KIF7: variants seen among roughly 807,000 people sequenced by gnomAD.
KIF7 encodes kinesin family member 7.
Under a neutral mutation model 135.7 loss-of-function variants are expected in KIF7, and 104 were observed. The observed-to-expected ratio is 0.77, with a 90% CI of 0.65 to 0.90. The LOEUF (loss-of-function observed/expected upper bound fraction) is 0.90, where lower values mean the gene tolerates loss of function less well. Among genes scored for constraint, KIF7 ranks in the 40% least tolerant of loss-of-function variants. The pLI, the probability that KIF7 is intolerant of heterozygous loss-of-function variation, is 0.00. For synonymous variants in KIF7, 883 were observed against 809.4 expected (o/e 1.09, Z -1.54); for missense variants, 2,005 against 1,839.1 (o/e 1.09, Z -1.65).
rs1358935229 is a variant in KIF7, at chr15:89,645,870, T to C, written c.1922+23A>G. The C allele has an allele frequency of 3.1e-6, 5 of 1,611,046 alleles. No homozygotes were observed. The African/African-American group carries it at 6.7e-5, about 22-fold the overall frequency. Reference sequence around the variant, plus strand: ...GGGCCCTGAGCAGGTCCTTGTCAGGTGGGGGCAGTGGGTCCCACTCACCTG... The same window carrying C: ...GGGCCCTGAGCAGGTCCTTGTCAGGCGGGGGCAGTGGGTCCCACTCACCTG... On this transcript the variant is annotated intron_variant, in intron 8 of 18. Coordinates refer to ENST00000394412, the MANE Select transcript of KIF7 (RefSeq NM_198525.3).
chr15:89,642,165 G>C, intron 11 of KIF7, 38 bp downstream of exon 11: 1 of 1,596,258 alleles, frequency 6.3e-7, no homozygotes. Flanking sequence ...GGAGGCAGGA[G>C]TCACCCCAGC....
chr15:89,628,504 C>G lies in KIF7; in HGVS notation c.3947G>C (p.Trp1316Ser). The G allele has an allele frequency of 6.2e-7, 1 of 1,612,898 alleles. No homozygotes were observed. Among genetic ancestry groups the G allele is most frequent in the South Asian group, 1.1e-5 (1 of 91,060 alleles). ...GGGCTTGGACAAAGGCCCAAAGTTC[C>G]AGGGCAGGCCTGCCTCACCCACAGG... Reference protein sequence around the residue: ...VLPVGEAGLPWNFGPLSKPRR... With the variant: ...VLPVGEAGLPSNFGPLSKPRR... The change falls in exon 19 of 19, where the codon TGG becomes TCG. Residue 1316 changes from tryptophan to serine, a missense_variant. Trp to Ser is a radical substitution (Grantham distance 177). Coordinates refer to ENST00000394412, the MANE Select transcript of KIF7 (RefSeq NM_198525.3).
intron 18 of KIF7, 75 bp from the exon 19 acceptor site, chr15:89,628,861 C>T: frequency 6.2e-7 from 1 of 1,610,556 alleles, no homozygotes; most frequent in Non-Finnish European, 8.5e-7. Flanking sequence ...CCCCAGTGCC[C>T]CAGCACAATA....
chr15:89,654,202 G>C (rs1168348378), intron 1 of KIF7, among the ~76,000 whole-genome samples: 2 of 151,992 alleles, frequency 1.3e-5, no homozygotes, highest in Non-Finnish European at 2.9e-5. Flanking sequence ...ATAGAGACAG[G>C]GTTTCACCGT....
At position 89,647,717 on chromosome 15, in the gene KIF7, A is replaced by G; in HGVS notation, c.1444-5T>C. On this transcript the variant is annotated splice_region_variant and splice_polypyrimidine_tract_variant and intron_variant, in intron 5 of 18. Coordinates refer to ENST00000394412, the MANE Select transcript of KIF7 (RefSeq NM_198525.3). The stretch of plus-strand genomic sequence containing the variant: ...CTGCTGCGCCCCCTCATCCTCCTAT[A>G]GGGCAGGGAGAGGGGCTTCAGGGGC... 2 of 1,558,286 alleles carry G rather than the reference A, an allele frequency of 1.3e-6. No individual in the cohort carries two copies. The highest frequency in any genetic ancestry group is 1.2e-5 in the South Asian group (1 of 85,434).
At chr15:89,629,178 CAGGGCTGTGGGGGTG>C (rs1567057086) in intron 17 of KIF7, 56 bp from the exon 18 acceptor site, 37 of 1,330,388 alleles carry the variant, frequency 2.8e-5, no homozygotes, top group Non-Finnish European at 3.7e-5. Flanking sequence ...GGCAGGCGGC[CAGGGCTGTGGGGGTG>C]GGGGCTGTGG....
At chr15:89,622,703 G>A (rs924727756) in intron 1 of KIF7, among the ~76,000 whole-genome samples, 1 of 152,044 alleles carries the variant, frequency 6.6e-6, no homozygotes, top group African/African-American at 2.4e-5. Flanking sequence ...ACCCCTCCCC[G>A]CTCCACCTCC....
rs759395617 is a variant in KIF7, at chr15:89,642,183, C to T, written c.2394+20G>A. 6.8e-6 allele frequency: 11 copies of T among 1,608,010 alleles called. No individual in the cohort carries two copies. The South Asian group carries it at 8.8e-5, about 13-fold the overall frequency. ...GGCAGGAGTCACCCCAGCACCCCAC[C>T]CTGAGGCCCCGAGACTAACCTGCAC... On this transcript the variant is annotated intron_variant, in intron 11 of 18. Transcript: ENST00000394412.
chr15:89,628,185 A>C lies in KIF7; in HGVS notation c.*234T>G. The stretch of plus-strand genomic sequence containing the variant: ...GATTCGAGCAAGACACAAGGCGGCA[A>C]TTGGGTACCACAGCTTCATGGAAGT... On this transcript the variant is annotated 3_prime_UTR_variant, in exon 19 of 19. Transcript: ENST00000394412. The C allele has an allele frequency of 4.2e-6, 2 of 480,652 alleles. No homozygotes were observed. The highest frequency in any genetic ancestry group is 7.3e-6 in the Non-Finnish European group (2 of 275,372). 29.8% of individuals were successfully genotyped at this position (480,652 alleles called of 1,614,324 possible).
In KIF7 at chr15:89,628,401, A is replaced by C; in HGVS notation, c.*18T>G. 1 of 1,590,528 alleles carries C rather than the reference A, an allele frequency of 6.3e-7. No homozygotes were observed. The highest frequency in any genetic ancestry group is 1.1e-5 in the South Asian group (1 of 88,002). ...CAGGCTCGGAGTCTCCCTCCAAGGC[A>C]GGGTCTGCCCCGAGGGCTTACAGGG... On this transcript the variant is annotated 3_prime_UTR_variant, in exon 19 of 19. Coordinates refer to ENST00000394412, the MANE Select transcript of KIF7 (RefSeq NM_198525.3).
chr15:89,646,034 A>T lies in KIF7; in HGVS notation c.1789-8T>A. On this transcript the variant is annotated splice_region_variant and splice_polypyrimidine_tract_variant and intron_variant, in intron 7 of 18. Coordinates refer to ENST00000394412, the MANE Select transcript of KIF7 (RefSeq NM_198525.3). ...CCTGCCATTTGTCACCTGCTAGGGG[A>T]GTGAGCCATTTCCCATCCCAAGTCA... is the stretch of plus-strand genomic sequence containing the variant. 6.2e-7 allele frequency: 1 copy of T among 1,613,544 alleles called. No homozygotes were observed. Among genetic ancestry groups the T allele is most frequent in the South Asian group, 1.1e-5 (1 of 91,062 alleles).
At chr15:89,625,492 A>G (rs1185310675), downstream of KIF7, 17 of 1,613,984 alleles carry the variant, frequency 1.1e-5, no homozygotes, top group Non-Finnish European at 1.4e-5. Flanking sequence ...CCTTGAACTC[A>G]GCATCCACAG....
At chr15:89,659,918 C>T (rs530530392), upstream of KIF7, among the ~76,000 whole-genome samples, 9 of 152,176 alleles carry the variant, frequency 5.9e-5, no homozygotes, top group Non-Finnish European at 1.0e-4. Context: ...GGAAACAGGC[C>T]GGGCATGGTA....
At chr15:89,634,649 T>C (rs945431186) in intron 11 of KIF7, among the ~76,000 whole-genome samples, 1 of 152,244 alleles carries the variant, frequency 6.6e-6, no homozygotes, top group East Asian at 1.9e-4. Flanking sequence ...CAGGAGATTA[T>C]ATCCCGCACA....
chr15:89,646,180 G>T (rs1964010005), intron 7 of KIF7, among the ~76,000 whole-genome samples, 154 bp from the exon 8 acceptor site: 2 of 152,098 alleles, frequency 1.3e-5, no homozygotes, highest in South Asian at 2.1e-4. Flanking sequence ...ATCTCAAGCT[G>T]GGGTGAGAGC....
intron 2 of KIF7, among the ~76,000 whole-genome samples, chr15:89,617,870 T>A (rs1455730192): frequency 1.3e-5 from 2 of 152,064 alleles, no homozygotes; most frequent in Admixed American, 6.5e-5. Flanking sequence ...TTTTGTATTT[T>A]TAATAGAGTC....
At chr15:89,624,569 C>A, downstream of KIF7, 1 of 1,613,908 alleles carries the variant, frequency 6.2e-7, no homozygotes, top group Non-Finnish European at 8.5e-7. Context: ...CCCACAGACT[C>A]TAGAGATGAC....
At position 89,633,872 on chromosome 15, in the gene KIF7, C is replaced by T. The variant is rs771424250; in HGVS notation, c.2406G>A (p.Glu802=). ...CCAGCCGCTCCGTAGCCTGCTTCTTCTCCTTCAGCACCTGGGACCCACACA... is the reference window on the plus strand; with the variant it reads ...CCAGCCGCTCCGTAGCCTGCTTCTTTTCCTTCAGCACCTGGGACCCACACA... ...AAQSQVQVLK[E]KKQATERLVS... is the part of the protein sequence containing the mutation. Residue 802 remains glutamate, a synonymous_variant, in exon 12 of 19, where the codon GAG becomes GAA. Coordinates refer to ENST00000394412, the MANE Select transcript of KIF7 (RefSeq NM_198525.3). 5 of 1,613,706 alleles carry T rather than the reference C, an allele frequency of 3.1e-6. No homozygotes were observed. The East Asian group carries it at 1.1e-4, about 36-fold the overall frequency.
intron 18 of KIF7, 73 bp downstream of exon 18, chr15:89,628,903 G>A (rs1269277284): frequency 6.8e-6 from 11 of 1,611,652 alleles, no homozygotes; most frequent in African/African-American, 2.7e-5. Context: ...ATAAAGGCTC[G>A]AGGGAGAGTG....
Sources: allele counts gnomAD v4.1 joint callset (sites outside exome capture counted in the v4.1 genomes callset), GRCh38; gene constraint gnomAD v4.1.1; transcripts MANE v1.5; gene names NCBI Gene and HGNC (gene_info 2026-07-23, HGNC 2026-07-21).